OCA2: variants seen among roughly 807,000 people sequenced by gnomAD.
The protein encoded by OCA2 is P protein.
A neutral mutation model predicts 100.2 loss-of-function variants in OCA2; 77 were observed. That is an observed-to-expected ratio of 0.77 (90% confidence interval 0.64 to 0.93). The LOEUF (loss-of-function observed/expected upper bound fraction) is 0.93. Among genes scored for constraint, OCA2 ranks in the 40% least tolerant of loss-of-function variants. The pLI is 0.00. For synonymous variants in OCA2, 432 were observed against 439.2 expected (o/e 0.98, Z 0.21); for missense variants, 1,062 against 1,089.1 (o/e 0.98, Z 0.35).
At chr15:27,952,462 C>T (rs529325228) in intron 17 of OCA2, among the ~76,000 whole-genome samples, 3 of 152,264 alleles carry the variant, frequency 2.0e-5, no homozygotes, top group African/African-American at 7.2e-5. Context: ...CGGCACGAGA[C>T]GGGGCTCTCC....
intron 23 of OCA2, among the ~76,000 whole-genome samples, chr15:27,841,776 C>T (rs1329577892): frequency 6.6e-6 from 1 of 151,572 alleles, no homozygotes; most frequent in Non-Finnish European, 1.5e-5. Flanking sequence ...ATAAGAAATG[C>T]AAATATTCAG....
chr15:27,759,553 G>A (rs1171345467), intron 23 of OCA2, among the ~76,000 whole-genome samples: 2 of 151,944 alleles, frequency 1.3e-5, no homozygotes, highest in African/African-American at 4.8e-5. Context: ...ATATTTCAGA[G>A]CAAAGAACAT....
At chr15:28,070,215 C>A (rs1373774462) in intron 2 of OCA2, among the ~76,000 whole-genome samples, 1 of 116,624 alleles carries the variant, frequency 8.6e-6, no homozygotes, top group Non-Finnish European at 1.7e-5. Flanking sequence ...GCAGCTGCCC[C>A]GTCTGAGAAG....
At chr15:28,096,869 G>C (rs1487901697) in intron 1 of OCA2, among the ~76,000 whole-genome samples, 5 of 145,898 alleles carry the variant, frequency 3.4e-5, no homozygotes, top group African/African-American at 1.4e-4. Context: ...CCCGCGGCAG[G>C]CCAGGCGCAC....
chr15:27,931,627 C>T (rs991881527), intron 18 of OCA2, among the ~76,000 whole-genome samples: 3 of 149,528 alleles, frequency 2.0e-5, no homozygotes, highest in Non-Finnish European at 4.4e-5. Flanking sequence ...TGAGCCACCA[C>T]GCCCAGCCTG....
At chr15:27,917,882 C>A (rs1389004733) in intron 19 of OCA2, among the ~76,000 whole-genome samples, 1 of 152,086 alleles carries the variant, frequency 6.6e-6, no homozygotes, top group Non-Finnish European at 1.5e-5. Context: ...GAGTGTTAGG[C>A]TGCCCCTCAG....
At chr15:27,869,944 C>T (rs2036478001) in intron 21 of OCA2, among the ~76,000 whole-genome samples, 1 of 152,080 alleles carries the variant, frequency 6.6e-6, no homozygotes, top group Admixed American at 6.5e-5. Flanking sequence ...GGAACTTCAC[C>T]AAAAAAATAA....
intron 1 of OCA2, among the ~76,000 whole-genome samples, chr15:28,096,798 G>A (rs1021735722): frequency 6.6e-6 from 1 of 152,228 alleles, no homozygotes; most frequent in African/African-American, 2.4e-5. Context: ...AGAGGGCCTC[G>A]GGAGGCCGCG....
intron 21 of OCA2, among the ~76,000 whole-genome samples, chr15:27,862,786 T>G (rs2036185040): frequency 6.6e-6 from 1 of 152,190 alleles, no homozygotes; most frequent in Non-Finnish European, 1.5e-5. Context: ...CCTCAGACAT[T>G]TTAAGTTCGT....
intron 18 of OCA2, among the ~76,000 whole-genome samples, chr15:27,933,159 T>C (rs981264272): frequency 6.6e-6 from 1 of 152,168 alleles, no homozygotes; most frequent in Non-Finnish European, 1.5e-5. Flanking sequence ...TCTTACACCA[T>C]ATACAGAAAC....
At chr15:28,082,599 T>C (rs1210906752) in intron 1 of OCA2, among the ~76,000 whole-genome samples, 1 of 152,214 alleles carries the variant, frequency 6.6e-6, no homozygotes, top group African/African-American at 2.4e-5. Flanking sequence ...GTTCTTGTTA[T>C]TGGGAAATGC....
chr15:28,026,974 C>G (rs1331211885), intron 4 of OCA2, among the ~76,000 whole-genome samples: 1 of 152,328 alleles, frequency 6.6e-6, no homozygotes, highest in South Asian at 2.1e-4. Context: ...GTCGCGTGGC[C>G]AGGCAAGGCC....
At chr15:27,787,043 G>T (rs2032848197) in intron 23 of OCA2, among the ~76,000 whole-genome samples, 1 of 152,224 alleles carries the variant, frequency 6.6e-6, no homozygotes, top group Non-Finnish European at 1.5e-5. Context: ...AGATAATTAT[G>T]TGGGAGTTTT....
At chr15:27,908,729 T>C (rs893298289) in intron 19 of OCA2, among the ~76,000 whole-genome samples, 1 of 152,206 alleles carries the variant, frequency 6.6e-6, no homozygotes, top group African/African-American at 2.4e-5. Flanking sequence ...GCAACATGTG[T>C]GTGATGTTCC....
chr15:27,858,238 G>A (rs2036010819), intron 21 of OCA2, among the ~76,000 whole-genome samples: 1 of 152,068 alleles, frequency 6.6e-6, no homozygotes, highest in Non-Finnish European at 1.5e-5. Flanking sequence ...GCCAGGTGTG[G>A]TGGTGGGCAC....
intron 9 of OCA2, among the ~76,000 whole-genome samples, chr15:28,005,234 C>A (rs1335357012): frequency 2.6e-5 from 4 of 152,126 alleles, no homozygotes; most frequent in Non-Finnish European, 5.9e-5. Context: ...TGTGATTCCA[C>A]AGAAAGGGCT....
Position 27,831,812 on chromosome 15 carries a change from T to C in OCA2, c.2432+13147A>G, listed in dbSNP as rs561937021. Among the ~76,000 whole-genome samples the C allele has an allele frequency of 3.3e-5, 5 of 152,274 alleles. No homozygotes were observed. The South Asian group carries it at 1.0e-3, about 32-fold the overall frequency. ...ACTGCCCATCCAGGCTGCTGAACCC[T>C]CTGGTCCATGTCCCTTTCCACCCAA... On this transcript the variant is annotated intron_variant, in intron 23 of 23. Coordinates refer to ENST00000354638, the MANE Select transcript of OCA2 (RefSeq NM_000275.3).
chr15:28,015,021 T>G (rs1239477527), intron 8 of OCA2, 92 bp from the exon 9 acceptor site: 1 of 1,356,230 alleles, frequency 7.4e-7, no homozygotes, highest in Non-Finnish European at 1.0e-6. Flanking sequence ...AGAGTGCAAA[T>G]GGAACAATTC....
chr15:27,972,564 G>A (rs1019815835), intron 14 of OCA2, among the ~76,000 whole-genome samples: 3 of 152,090 alleles, frequency 2.0e-5, no homozygotes, highest in African/African-American at 7.2e-5. Flanking sequence ...GCTGTAATAA[G>A]GTGATATCTC....
Sources: allele counts gnomAD v4.1 joint callset (sites outside exome capture counted in the v4.1 genomes callset), GRCh38; gene constraint gnomAD v4.1.1; transcripts MANE v1.5; gene names NCBI Gene and HGNC (gene_info 2026-07-23, HGNC 2026-07-21).